Variants in TIMP2 observed in about 807,000 individuals in gnomAD.
TIMP2 encodes the protein metalloproteinase inhibitor 2.
A neutral mutation model predicts 24.3 loss-of-function variants in TIMP2; 5 were observed. That is an observed-to-expected ratio of 0.21 (90% CI 0.11 to 0.43). The LOEUF (loss-of-function observed/expected upper bound fraction) is 0.43. Among genes scored for constraint, TIMP2 ranks in the 20% least tolerant of loss-of-function variants. The probability of loss-of-function intolerance (pLI) is 1.00; values close to 1 mark genes in which losing one functional copy is unlikely to be tolerated. For synonymous variants in TIMP2, 130 were observed against 123.2 expected (o/e 1.06, Z -0.37); for missense variants, 221 against 297.5 (o/e 0.74, Z 1.89).
At chr17:78,865,670 T>C (rs1449473482) in intron 3 of TIMP2, among the ~76,000 whole-genome samples, 1 of 149,748 alleles carries the variant, frequency 6.7e-6, no homozygotes, top group African/African-American at 2.5e-5. Context: ...TGGGCACCTG[T>C]AATCCCAGCT....
intron 3 of TIMP2, among the ~76,000 whole-genome samples, chr17:78,867,320 G>T (rs1330058216): frequency 1.3e-5 from 2 of 151,690 alleles, no homozygotes; most frequent in Non-Finnish European, 2.9e-5. Flanking sequence ...CATCTTAAAA[G>T]GGGGGGAAGT....
intron 1 of TIMP2, chr17:78,890,833 G>A: frequency 6.4e-7 from 1 of 1,550,604 alleles, no homozygotes; most frequent in Non-Finnish European, 8.7e-7. Context: ...GGGCTCTCGT[G>A]GAGGAGGACT....
At chr17:78,866,307 CTGTG>C (rs1885620936) in intron 3 of TIMP2, among the ~76,000 whole-genome samples, 1 of 152,160 alleles carries the variant, frequency 6.6e-6, no homozygotes, top group African/African-American at 2.4e-5. Flanking sequence ...CCTGCCTCCT[CTGTG>C]TTTTTTTTGA....
chr17:78,906,167 T>C (rs9905388), intron 1 of TIMP2, among the ~76,000 whole-genome samples: 62,683 of 151,702 alleles, frequency 0.41, 12,983 homozygotes, highest in Middle Eastern at 0.46. Flanking sequence ...CCCCAGGAGT[T>C]TCAGACCAGC....
intron 3 of TIMP2, 65 bp downstream of exon 3, chr17:78,870,833 G>C: frequency 7.0e-7 from 1 of 1,429,148 alleles, no homozygotes; most frequent in Non-Finnish European, 9.7e-7. Context: ...ACGAGCCCTG[G>C]ACCGCGTCTA....
At position 78,891,961 on chromosome 17, in the gene TIMP2, C is replaced by T; in HGVS notation, c.131-18042G>A. The T allele has an allele frequency of 6.4e-7, 1 of 1,550,598 alleles. No homozygotes were observed. Among genetic ancestry groups the T allele is most frequent in the East Asian group, 2.4e-5 (1 of 40,910 alleles). ...TGGGGTGTTGCTGGCCCAACTCTTC[C>T]CTGCAACTCCTCTCTTCACTAAGGG... On this transcript the variant is annotated intron_variant, in intron 1 of 4. Coordinates refer to ENST00000262768, the MANE Select transcript of TIMP2 (RefSeq NM_003255.5). The surrounding 1 kb of genome is among the most constrained non-coding windows in gnomAD (Gnocchi z 4.5).
intron 1 of TIMP2, among the ~76,000 whole-genome samples, chr17:78,875,746 G>A (rs534520660): frequency 3.9e-5 from 6 of 152,146 alleles, no homozygotes; most frequent in South Asian, 2.1e-4. Context: ...CCACGTGGTC[G>A]GCTCAAATCT....
chr17:78,871,026 G>T lies in TIMP2; in HGVS notation c.232-20C>A. 2 of 1,602,730 alleles carry T rather than the reference G, an allele frequency of 1.2e-6. No individual in the cohort carries two copies. The highest frequency in any genetic ancestry group is 1.7e-6 in the Non-Finnish European group (2 of 1,171,468). On this transcript the variant is annotated intron_variant, in intron 2 of 4. Coordinates refer to ENST00000262768, the MANE Select transcript of TIMP2 (RefSeq NM_003255.5). ...GAACATCTGGAAAGACAAGGAGGAG[G>T]ACATGTAAGCAGAGGGAGGCCACAC...
Position 78,891,590 on chromosome 17 carries a change from A to T in TIMP2, c.131-17671T>A. ...TGGCCACAGCTGCCCGAGGTCTCTCAGCTTCCCCTCCAGACTCTGTCCCTG... is the reference window on the plus strand; with the variant it reads ...TGGCCACAGCTGCCCGAGGTCTCTCTGCTTCCCCTCCAGACTCTGTCCCTG... On this transcript the variant is annotated intron_variant, in intron 1 of 4. Coordinates refer to ENST00000262768, the MANE Select transcript of TIMP2 (RefSeq NM_003255.5). This position sits in a 1 kb window ranked among gnomAD's most constrained non-coding sequence, Gnocchi z 4.5. 6.4e-7 allele frequency: 1 copy of T among 1,550,830 alleles called. No individual in the cohort carries two copies. Among genetic ancestry groups the T allele is most frequent in the Non-Finnish European group, 8.7e-7 (1 of 1,147,034 alleles).
rs181980574 is a variant in TIMP2 at position 78,872,498 on chromosome 17, G to A, written c.231+1321C>T. Among the ~76,000 whole-genome samples, 257 of 152,158 alleles carry A rather than the reference G, an allele frequency of 1.7e-3. 4 individuals are homozygous for A. Among genetic ancestry groups the A allele is most frequent in the Non-Finnish European group, 7.9e-4 (54 of 67,992 alleles). On this transcript the variant is annotated intron_variant, in intron 2 of 4. Transcript: ENST00000262768. Reference sequence around the variant, plus strand: ...TCAGGGAGGCTGTTTTTTTCCCCCCGAAGAGTTTCAATAAGCAAACCCAAA... The same window carrying A: ...TCAGGGAGGCTGTTTTTTTCCCCCCAAAGAGTTTCAATAAGCAAACCCAAA...
chr17:78,873,192 C>T lies in TIMP2; in HGVS notation c.231+627G>A, dbSNP rs141105894. Among the ~76,000 whole-genome samples the T allele has an allele frequency of 3.3e-5, 5 of 152,234 alleles. No homozygotes were observed. The East Asian group carries it at 5.8e-4, about 18-fold the overall frequency. ...TATCACACGGCTGTCCCTCCACCTG[C>T]GACATGAATTTTCGTCTCTCTTACA... On this transcript the variant is annotated intron_variant, in intron 2 of 4. Transcript: ENST00000262768.
intron 1 of TIMP2, among the ~76,000 whole-genome samples, chr17:78,921,769 C>G (rs1274734891): frequency 6.6e-6 from 1 of 152,202 alleles, no homozygotes; most frequent in Non-Finnish European, 1.5e-5. Flanking sequence ...CTCTTACCAT[C>G]CCTTATCCTA....
At chr17:78,918,056 GCACACA>G (rs1289853230) in intron 1 of TIMP2, among the ~76,000 whole-genome samples, 14 of 53,242 alleles carry the variant, frequency 2.6e-4, no homozygotes, top group African/African-American at 9.8e-4. Context: ...ACGTACGCGT[GCACACA>G]CAAACACACA....
chr17:78,890,528 G>T, intron 1 of TIMP2: 1 of 1,265,130 alleles, frequency 7.9e-7, no homozygotes, highest in Non-Finnish European at 1.1e-6. Flanking sequence ...TTTTAAAGAG[G>T]CCTAATAGTC....
At chr17:78,922,464 A>G (rs1467942025) in intron 1 of TIMP2, 2 of 152,250 alleles carry the variant, frequency 1.3e-5, no homozygotes, top group Admixed American at 6.5e-5. Context: ...TGATCTATCA[A>G]GATGAAGTCA....
At chr17:78,902,401 C>T (rs2070108555) in intron 1 of TIMP2, among the ~76,000 whole-genome samples, 1 of 152,218 alleles carries the variant, frequency 6.6e-6, no homozygotes, top group South Asian at 2.1e-4. Flanking sequence ...AGCCACCATG[C>T]CCAGCCTGCA....
chr17:78,913,544 C>T (rs952749779), intron 1 of TIMP2, among the ~76,000 whole-genome samples: 7 of 151,946 alleles, frequency 4.6e-5, no homozygotes, highest in Admixed American at 6.6e-5. Context: ...AACCTCGTCT[C>T]GACAAAAAAT....
chr17:78,910,344 C>G (rs1342296849), intron 1 of TIMP2, among the ~76,000 whole-genome samples: 1 of 152,070 alleles, frequency 6.6e-6, no homozygotes, highest in African/African-American at 2.4e-5. Context: ...AGGTACACAC[C>G]ACCAGGCCTG....
At chr17:78,877,064 A>G (rs2069734209) in intron 1 of TIMP2, among the ~76,000 whole-genome samples, 1 of 152,218 alleles carries the variant, frequency 6.6e-6, no homozygotes, top group African/African-American at 2.4e-5. Context: ...TTCTGACTGC[A>G]GAACAGTTGG....
Sources: gnomAD v4.1 joint callset for allele counts (sites outside exome capture counted in the v4.1 genomes callset) on GRCh38, gnomAD v4.1.1 for gene constraint, Gnocchi (gnomAD v3.1) non-coding constraint, MANE v1.5 for transcripts, NCBI Gene and HGNC (gene_info 2026-07-23, HGNC 2026-07-21) for gene names.